Variants in ZC3H8 observed in about 807,000 individuals in gnomAD.
The protein encoded by ZC3H8 is zinc finger CCCH domain-containing protein 8.
Under a neutral mutation model 42.5 loss-of-function variants are expected in ZC3H8, and 27 were observed. The ratio of observed to expected loss-of-function variants is 0.64; its 90% CI spans 0.47 to 0.88. The LOEUF (loss-of-function observed/expected upper bound fraction) is 0.88, where lower values mean the gene tolerates loss of function less well. ZC3H8 is among the 40% of genes least tolerant of loss of function. The pLI, the probability that ZC3H8 is intolerant of heterozygous loss-of-function variation, is 0.00. For synonymous variants in ZC3H8, 101 were observed against 110.1 expected (o/e 0.92, Z 0.52); for missense variants, 277 against 336.1 (o/e 0.82, Z 1.37).
intron 2 of ZC3H8, among the ~76,000 whole-genome samples, chr2:112,247,587 ATAAGT>A (rs1241680860): frequency 2.0e-5 from 3 of 152,234 alleles, no homozygotes; most frequent in South Asian, 2.1e-4. Context: ...TCAAAAATAA[ATAAGT>A]TAATTAATTA....
chr2:112,248,717 G>A (rs1685844110), intron 2 of ZC3H8, among the ~76,000 whole-genome samples: 1 of 152,134 alleles, frequency 6.6e-6, no homozygotes, highest in Admixed American at 6.5e-5. Flanking sequence ...AGAAGGGCAA[G>A]ATAGGAATAT....
intron 2 of ZC3H8, 79 bp from the exon 3 acceptor site, chr2:112,238,607 G>T: frequency 8.3e-7 from 1 of 1,202,664 alleles, no homozygotes; most frequent in Non-Finnish European, 1.2e-6. Flanking sequence ...AAACAAGATT[G>T]GCTATAAACT....
At position 112,234,199 on chromosome 2, in the gene ZC3H8, T is replaced by G; in HGVS notation, c.542A>C (p.Gln181Pro). 1 of 1,609,822 alleles carries G rather than the reference T, an allele frequency of 6.2e-7. No homozygotes were observed. Among genetic ancestry groups the G allele is most frequent in the Non-Finnish European group, 8.5e-7 (1 of 1,178,570 alleles). The change falls in exon 5 of 9, where the codon CAG (glutamine) becomes CCG (proline). Residue 181 changes from glutamine to proline, a missense_variant. Physicochemically the swap from Gln to Pro is moderately conservative, Grantham distance 76. Transcript: ENST00000409573. ...KPKEKQQHLS[Q>P]AFINQHTVER... ...CACTGTATGTTGGTTGATGAATGCC[T>G]GACTCAAATGCTGCTGCTTCTCTTT...
At chr2:112,247,146 C>T (rs1685791789) in intron 2 of ZC3H8, among the ~76,000 whole-genome samples, 1 of 152,192 alleles carries the variant, frequency 6.6e-6, no homozygotes, top group South Asian at 2.1e-4. Flanking sequence ...TTTATATGCA[C>T]TGGGAAACCA....
chr2:112,213,348 AACTC>A lies in ZC3H8; in HGVS notation c.*3132_*3135del, dbSNP rs1684203977. 1 of 151,978 alleles carries A rather than the reference AACTC, an allele frequency of 6.6e-6. No homozygotes were observed. The highest frequency in any genetic ancestry group is 2.1e-4 in the South Asian group (1 of 4,808). The allele number at this position is 151,978 out of a possible 1,614,324, so 9.4% of individuals were successfully genotyped here. A position where few individuals can be genotyped will look rare whatever the true frequency, so the allele number is the denominator to read the frequency against. ...CAGTGAACTAAGACAATTATGCTGA[AACTC>A]AGGAAACCTATTAAAACAGGGGACA... On this transcript the variant is annotated 3_prime_UTR_variant, in exon 9 of 9. Coordinates refer to ENST00000409573, the MANE Select transcript of ZC3H8 (RefSeq NM_032494.3).
At chr2:112,250,146 A>T in intron 2 of ZC3H8, 45 bp downstream of exon 2, 1 of 1,438,516 alleles carries the variant, frequency 7.0e-7, no homozygotes, top group African/African-American at 1.4e-5. Context: ...ACTGAGAAAA[A>T]AAAATCTGCG....
At position 112,233,019 on chromosome 2, in the gene ZC3H8, A is replaced by G. The variant is rs187935992; in HGVS notation, c.733+241T>C. The stretch of plus-strand genomic sequence containing the variant: ...TCTTTCTGGGATTTGAAGAGGTCTC[A>G]TGGACCCTCTATACCACCCAGGTTG... On this transcript the variant is annotated intron_variant, in intron 6 of 8. Transcript: ENST00000409573. Among the ~76,000 whole-genome samples, 4 of 152,314 alleles carry G rather than the reference A, an allele frequency of 2.6e-5. No homozygotes were observed. In the East Asian group the frequency reaches 7.7e-4, roughly 29 times the overall value.
At chr2:112,226,717 G>A (rs1166081710) in intron 8 of ZC3H8, among the ~76,000 whole-genome samples, 3 of 151,850 alleles carry the variant, frequency 2.0e-5, no homozygotes, top group South Asian at 2.1e-4. Context: ...ATTCTAGGAG[G>A]CCAGTATTAC....
chr2:112,214,915 T>A lies in ZC3H8; in HGVS notation c.*1569A>T, dbSNP rs1684269403. The A allele has an allele frequency of 6.6e-6, 1 of 152,180 alleles. No individual in the cohort carries two copies. Among genetic ancestry groups the A allele is most frequent in the South Asian group, 2.1e-4 (1 of 4,830 alleles). The allele number at this position is 152,180 out of a possible 1,614,324, so 9.4% of individuals were successfully genotyped here. The stretch of plus-strand genomic sequence containing the variant: ...CAGGTATGCTTGTTTCTTAAAACAA[T>A]TAATTTGAAAAATAAGAGGTTTTTA... On this transcript the variant is annotated 3_prime_UTR_variant, in exon 9 of 9. Coordinates refer to ENST00000409573, the MANE Select transcript of ZC3H8 (RefSeq NM_032494.3).
Position 112,231,903 on chromosome 2 carries a change from G to A in ZC3H8, c.778C>T (p.Gln260Ter). 6.3e-7 allele frequency: 1 copy of A among 1,587,344 alleles called. No homozygotes were observed. The highest frequency in any genetic ancestry group is 1.2e-5 in the South Asian group (1 of 86,764). Residue 260 changes from glutamine to a stop codon, truncating the protein, a stop_gained, in exon 7 of 9, where the codon CAG (glutamine) becomes TAG (stop). Coordinates refer to ENST00000409573, the MANE Select transcript of ZC3H8 (RefSeq NM_032494.3). LOFTEE classifies it high-confidence loss of function. Reference protein sequence around the residue: ...KFYHTGTKCYQGEYCKFSHAP... With the variant: ...KFYHTGTKCY ...TGAGAAAACTTGCAGTATTCTCCCT[G>A]ATAACATTTTGTTCCTGTATGGTAA...
chr2:112,238,080 T>C (rs1573912576), intron 3 of ZC3H8, among the ~76,000 whole-genome samples: 1 of 152,254 alleles, frequency 6.6e-6, no homozygotes, highest in East Asian at 1.9e-4. Flanking sequence ...GTCAGGGCCT[T>C]TGATAACCCA....
intron 2 of ZC3H8, among the ~76,000 whole-genome samples, chr2:112,244,486 G>A (rs147823396): frequency 2.0e-5 from 3 of 152,264 alleles, no homozygotes; most frequent in Non-Finnish European, 4.4e-5. Flanking sequence ...AGGTATATAA[G>A]ATGTGAGATA....
At chr2:112,234,786 C>G (rs1370476241) in intron 4 of ZC3H8, among the ~76,000 whole-genome samples, 2 of 149,472 alleles carry the variant, frequency 1.3e-5, no homozygotes, top group Non-Finnish European at 3.0e-5. Flanking sequence ...GGCAATAGAA[C>G]GAGACTCCAT....
At chr2:112,225,575 G>C (rs1351958246) in intron 8 of ZC3H8, among the ~76,000 whole-genome samples, 3 of 152,240 alleles carry the variant, frequency 2.0e-5, no homozygotes, top group Non-Finnish European at 4.4e-5. Context: ...CCAACACTTT[G>C]GGAGGCTGAG....
At chr2:112,250,113 C>CT (rs1685896170) in intron 2 of ZC3H8, 78 bp downstream of exon 2, 2 of 1,085,736 alleles carry the variant, frequency 1.8e-6, no homozygotes, top group Admixed American at 3.0e-5. Flanking sequence ...TCTGTTTTTT[C>CT]TTTTTTTGTT....
intron 3 of ZC3H8, among the ~76,000 whole-genome samples, chr2:112,237,399 A>T (rs1459083446): frequency 1.3e-5 from 2 of 152,160 alleles, no homozygotes; most frequent in African/African-American, 2.4e-5. Context: ...CAGATTTTTC[A>T]CTGAAAACAT....
At chr2:112,254,816 C>G in intron 1 of ZC3H8, 92 bp downstream of exon 1, 1 of 1,438,144 alleles carries the variant, frequency 7.0e-7, no homozygotes, top group Non-Finnish European at 9.4e-7. Context: ...GCGGCCCGGA[C>G]GTGGCCCCGG....
In ZC3H8 at chr2:112,231,941, T is replaced by C; in HGVS notation, c.740A>G (p.Tyr247Cys). ...TCCTGTATGGTAAAACTTACAAGGATATTCATGTAACCCAAGTGTTAAGGA... is the reference window on the plus strand; with the variant it reads ...TCCTGTATGGTAAAACTTACAAGGACATTCATGTAACCCAAGTGTTAAGGA... ...GENCLYLHNE[Y>C]PCKFYHTGTK... The change falls in exon 7 of 9, where the codon TAT becomes TGT. Residue 247 changes from tyrosine (Y) to cysteine (C), a missense_variant. By Grantham distance (194) the Tyr-to-Cys change is radical. Coordinates refer to ENST00000409573, the MANE Select transcript of ZC3H8 (RefSeq NM_032494.3). The C allele has an allele frequency of 6.5e-7, 1 of 1,543,500 alleles. No individual in the cohort carries two copies. Among genetic ancestry groups the C allele is most frequent in the Non-Finnish European group, 8.8e-7 (1 of 1,130,198 alleles).
chr2:112,239,534 A>C (rs1685491513), intron 2 of ZC3H8, among the ~76,000 whole-genome samples: 1 of 151,786 alleles, frequency 6.6e-6, no homozygotes, highest in African/African-American at 2.4e-5. Flanking sequence ...AAAACAGAAG[A>C]ATCGCTATTA....
Sources: gnomAD v4.1 joint callset for allele counts (sites outside exome capture counted in the v4.1 genomes callset) on GRCh38, gnomAD v4.1.1 for gene constraint, MANE v1.5 for transcripts, NCBI Gene and HGNC (gene_info 2026-07-23, HGNC 2026-07-21) for gene names.